The following CARMIL1 variants were observed in gnomAD, a reference collection of about 807,000 sequenced individuals.
The protein encoded by CARMIL1 is capping protein regulator and myosin 1 linker 1.
Under a neutral mutation model 177.1 loss-of-function variants are expected in CARMIL1, and 90 were observed. The ratio of observed to expected loss-of-function variants is 0.51; its 90% confidence interval spans 0.43 to 0.61. The LOEUF (loss-of-function observed/expected upper bound fraction) is 0.61. Among genes scored for constraint, CARMIL1 ranks in the 20% least tolerant of loss-of-function variants. The probability of loss-of-function intolerance (pLI) is 0.00; values close to 1 mark genes in which losing one functional copy is unlikely to be tolerated. For missense variants in CARMIL1, 1,380 were observed against 1,667.0 expected (o/e 0.83, Z 3.00); for synonymous variants, 577 against 606.2 (o/e 0.95, Z 0.71).
chr6:25,357,419 T>A (rs1788744184), intron 2 of CARMIL1, among the ~76,000 whole-genome samples: 1 of 152,026 alleles, frequency 6.6e-6, no homozygotes, highest in Non-Finnish European at 1.5e-5. Context: ...TCATCTCTAG[T>A]AAAAATGCAA....
chr6:25,564,001 A>G (rs747262954), intron 29 of CARMIL1: 70 of 346,142 alleles, frequency 2.0e-4, no homozygotes, highest in Non-Finnish European at 2.5e-4. Context: ...TATATTTTGT[A>G]TCATATTAAG....
intron 5 of CARMIL1, among the ~76,000 whole-genome samples, chr6:25,438,276 C>A (rs1254545479): frequency 6.6e-6 from 1 of 152,170 alleles, no homozygotes; most frequent in Non-Finnish European, 1.5e-5. Context: ...TATTCCATGA[C>A]TATTTATTGA....
chr6:25,521,313 G>A (rs980486318), intron 23 of CARMIL1, among the ~76,000 whole-genome samples: 1 of 152,166 alleles, frequency 6.6e-6, no homozygotes, highest in Non-Finnish European at 1.5e-5. Flanking sequence ...TGTGCAGTGG[G>A]TAAACATGTA....
At chr6:25,471,820 G>A (rs1801127388) in intron 10 of CARMIL1, among the ~76,000 whole-genome samples, 1 of 151,952 alleles carries the variant, frequency 6.6e-6, no homozygotes, top group African/African-American at 2.4e-5. Context: ...TTTATCTAGT[G>A]GTTTAGTAGT....
intron 31 of CARMIL1, among the ~76,000 whole-genome samples, chr6:25,590,557 AT>A (rs1814195214): frequency 6.6e-6 from 1 of 151,932 alleles, no homozygotes; most frequent in Non-Finnish European, 1.5e-5. Context: ...TATAATAGAG[AT>A]TGTCTCTTCC....
chr6:25,321,794 G>C (rs568843213), intron 2 of CARMIL1, among the ~76,000 whole-genome samples: 11 of 151,806 alleles, frequency 7.2e-5, no homozygotes, highest in African/African-American at 2.4e-4. Context: ...AAGTAACTGG[G>C]ACTACAGGCG....
intron 2 of CARMIL1, among the ~76,000 whole-genome samples, chr6:25,315,428 G>A (rs1345026098): frequency 6.6e-6 from 1 of 152,172 alleles, no homozygotes; most frequent in Non-Finnish European, 1.5e-5. Flanking sequence ...CAGCTTGGTC[G>A]CTCTCTCTGC....
intron 2 of CARMIL1, among the ~76,000 whole-genome samples, chr6:25,303,671 G>C (rs1022327299): frequency 3.5e-4 from 54 of 152,216 alleles, no homozygotes; most frequent in African/African-American, 1.3e-3. Flanking sequence ...AAGGGACTCT[G>C]TTTTAGAATT....
At chr6:25,475,436 T>C (rs748135908) in intron 11 of CARMIL1, among the ~76,000 whole-genome samples, 2 of 151,542 alleles carry the variant, frequency 1.3e-5, no homozygotes, top group Non-Finnish European at 2.9e-5. Context: ...AAATCTGCCA[T>C]ATAACCCAGA....
At chr6:25,560,457 C>A (rs979898764) in intron 29 of CARMIL1, among the ~76,000 whole-genome samples, 1 of 151,420 alleles carries the variant, frequency 6.6e-6, no homozygotes, top group African/African-American at 2.4e-5. Flanking sequence ...GTTTAAAAAG[C>A]CTTCTTATTC....
chr6:25,570,262 C>G (rs1193926521), intron 29 of CARMIL1, among the ~76,000 whole-genome samples: 1 of 152,184 alleles, frequency 6.6e-6, no homozygotes, highest in Non-Finnish European at 1.5e-5. Flanking sequence ...CTGCACCTGG[C>G]ATTTTCCCAC....
chr6:25,563,778 G>A lies in CARMIL1; in HGVS notation c.2742+6928G>A, dbSNP rs184606101. On this transcript the variant is annotated intron_variant, in intron 29 of 36. Coordinates refer to ENST00000329474, the MANE Select transcript of CARMIL1 (RefSeq NM_017640.6). ...GGGAAGAAGTGGCAAGGTAGTTTTG[G>A]TGGATCACAGAACCACCGTCTGTGT... The A allele has an allele frequency of 2.0e-6, 2 of 985,388 alleles. 1 individual carries two copies. The highest frequency in any genetic ancestry group is 3.5e-5 in the African/African-American group (2 of 57,344). 61.0% of individuals were successfully genotyped at this position (985,388 alleles called of 1,614,324 possible). A position where few individuals can be genotyped will look rare whatever the true frequency, so the allele number is the denominator to read the frequency against.
At chr6:25,315,469 C>T (rs1404987109) in intron 2 of CARMIL1, among the ~76,000 whole-genome samples, 1 of 152,252 alleles carries the variant, frequency 6.6e-6, no homozygotes, top group African/African-American at 2.4e-5. Flanking sequence ...TAAATGCCCA[C>T]ACATGGCGGC....
At position 25,610,119 on chromosome 6, in the gene CARMIL1, C is replaced by A; in HGVS notation, c.3917C>A (p.Ser1306Ter). 1 of 1,613,920 alleles carries A rather than the reference C, an allele frequency of 6.2e-7. No individual in the cohort carries two copies. The change falls in exon 36 of 37, where the codon TCA becomes TAA. Residue 1306 changes from serine (S) to a stop codon, truncating the protein, a stop_gained. Coordinates refer to ENST00000329474, the MANE Select transcript of CARMIL1 (RefSeq NM_017640.6). LOFTEE classifies it high-confidence loss of function. ...CCACCTGTCCTGAAAAAAGTTCCTT[C>A]AGACAAAGAGAGAGATGGCCAGAGT... Reference protein sequence around the residue: ...LLPPVLKKVPSDKERDGQSSP... With the variant: ...LLPPVLKKVP
chr6:25,354,129 G>A (rs1192479305), intron 2 of CARMIL1, among the ~76,000 whole-genome samples: 1 of 152,036 alleles, frequency 6.6e-6, no homozygotes, highest in Admixed American at 6.6e-5. Flanking sequence ...ATATGTTCTG[G>A]TCAATTAAAT....
chr6:25,458,586 A>G (rs970812349), intron 8 of CARMIL1, among the ~76,000 whole-genome samples: 1 of 151,626 alleles, frequency 6.6e-6, no homozygotes, highest in Admixed American at 6.6e-5. Context: ...AAACCTGTGG[A>G]TATACCATCC....
chr6:25,463,970 C>T (rs936592035), intron 8 of CARMIL1, among the ~76,000 whole-genome samples: 1 of 151,340 alleles, frequency 6.6e-6, no homozygotes, highest in Non-Finnish European at 1.5e-5. Context: ...CTACAGGCGC[C>T]CGCCACTACG....
intron 17 of CARMIL1, among the ~76,000 whole-genome samples, chr6:25,501,197 C>T (rs2151022181): frequency 6.6e-6 from 1 of 152,142 alleles, no homozygotes; most frequent in East Asian, 1.9e-4. Context: ...AAGCTTTATC[C>T]CTTCTTCCCA....
intron 2 of CARMIL1, among the ~76,000 whole-genome samples, chr6:25,337,202 TGTAAG>T (rs1164090966): frequency 1.3e-5 from 2 of 152,224 alleles, no homozygotes; most frequent in African/African-American, 4.8e-5. Context: ...CAGCTCTCCT[TGTAAG>T]TTAATAAGTA....
Sources: gnomAD v4.1 joint callset for allele counts (sites outside exome capture counted in the v4.1 genomes callset) on GRCh38, gnomAD v4.1.1 for gene constraint, MANE v1.5 for transcripts, NCBI Gene and HGNC (gene_info 2026-07-23, HGNC 2026-07-21) for gene names.